EXT1: variants seen among roughly 807,000 people sequenced by gnomAD.
The protein encoded by EXT1 is exostosin-1.
Under a neutral mutation model 82.5 loss-of-function variants are expected in EXT1, and 20 were observed. The observed-to-expected ratio is 0.24, with a 90% CI of 0.17 to 0.35. The LOEUF (loss-of-function observed/expected upper bound fraction) is 0.35, where lower values mean the gene tolerates loss of function less well. Ranked by LOEUF, EXT1 falls within the 10% of genes least tolerant of loss-of-function variation. The pLI is 1.00. For missense variants in EXT1, 757 were observed against 936.5 expected (o/e 0.81, Z 2.50); for synonymous variants, 348 against 350.8 (o/e 0.99, Z 0.09).
intron 1 of EXT1, among the ~76,000 whole-genome samples, chr8:118,053,960 C>T (rs1586366166): frequency 2.0e-5 from 3 of 152,318 alleles, no homozygotes; most frequent in Non-Finnish European, 4.4e-5. Flanking sequence ...CACCAAGGCA[C>T]ATCTGGCAGT....
rs1021421489 is a variant in EXT1, at chr8:117,795,806, A to C, written c.*3906T>G. 1 of 151,274 alleles carries C rather than the reference A, an allele frequency of 6.6e-6. No individual in the cohort carries two copies. The highest frequency in any genetic ancestry group is 6.6e-5 in the Admixed American group (1 of 15,160). The allele number at this position is 151,274 out of a possible 1,614,324, so 9.4% of individuals were successfully genotyped here. ...ACAGGGCAAGACTCTGTCTCAAAGA[A>C]AAAAAAAAGACTTGGTGTCAAAGGA... On this transcript the variant is annotated 3_prime_UTR_variant, in exon 11 of 11. Coordinates refer to ENST00000378204, the MANE Select transcript of EXT1 (RefSeq NM_000127.3).
chr8:117,995,229 G>A (rs1815512559), intron 1 of EXT1, among the ~76,000 whole-genome samples: 1 of 152,118 alleles, frequency 6.6e-6, no homozygotes, highest in African/African-American at 2.4e-5. Flanking sequence ...ACCCACTCTA[G>A]CTCAGCAACC....
chr8:118,069,003 C>G (rs1170789397), intron 1 of EXT1, among the ~76,000 whole-genome samples: 1 of 152,108 alleles, frequency 6.6e-6, no homozygotes, highest in South Asian at 2.1e-4. Context: ...GAGGCCTTTC[C>G]CCTGGAGTAC....
Position 117,818,417 on chromosome 8 carries a change from G to A in EXT1, c.1632+18C>T, listed in dbSNP as rs1230655902. The A allele has an allele frequency of 6.2e-7, 1 of 1,610,144 alleles. No individual in the cohort carries two copies. Among genetic ancestry groups the A allele is most frequent in the Non-Finnish European group, 8.5e-7 (1 of 1,176,476 alleles). ...GGCTCCACAGTGGTTCCACATATAG[G>A]TCCCCTTCGAGTCTTACCTTGCTCT... On this transcript the variant is annotated intron_variant, in intron 7 of 10. Coordinates refer to ENST00000378204, the MANE Select transcript of EXT1 (RefSeq NM_000127.3).
At chr8:118,092,339 G>T (rs948179911) in intron 1 of EXT1, among the ~76,000 whole-genome samples, 1 of 152,168 alleles carries the variant, frequency 6.6e-6, no homozygotes, top group African/African-American at 2.4e-5. Flanking sequence ...GCTACAAAAA[G>T]TTAATCAAAT....
chr8:117,811,774 C>T (rs1823328592), intron 8 of EXT1, among the ~76,000 whole-genome samples: 2 of 152,126 alleles, frequency 1.3e-5, no homozygotes, highest in Admixed American at 1.3e-4. Context: ...CTGGACCACG[C>T]CTGGCTAATT....
intron 1 of EXT1, among the ~76,000 whole-genome samples, chr8:117,944,989 C>T (rs1255001442): frequency 2.6e-5 from 4 of 151,988 alleles, no homozygotes; most frequent in Admixed American, 6.6e-5. Context: ...GGTGAAACCC[C>T]GTCTCTACTA....
At chr8:118,051,943 C>T (rs1332960149) in intron 1 of EXT1, among the ~76,000 whole-genome samples, 1 of 152,202 alleles carries the variant, frequency 6.6e-6, no homozygotes, top group Non-Finnish European at 1.5e-5. Context: ...GGTTACCATA[C>T]TGCACACTTC....
intron 1 of EXT1, among the ~76,000 whole-genome samples, chr8:117,917,237 G>A (rs1384407078): frequency 6.6e-6 from 1 of 152,152 alleles, no homozygotes. Flanking sequence ...ACTCTGGGAG[G>A]CCGAGGCGGG....
In EXT1 at chr8:117,796,314, CT is replaced by C. The variant is rs1275610772; in HGVS notation, c.*3397del. 6.6e-6 allele frequency: 1 copy of C among 151,804 alleles called. No homozygotes were observed. The highest frequency in any genetic ancestry group is 1.5e-5 in the Non-Finnish European group (1 of 67,994). 9.4% of individuals were successfully genotyped at this position (151,804 alleles called of 1,614,324 possible). On this transcript the variant is annotated 3_prime_UTR_variant, in exon 11 of 11. Transcript: ENST00000378204. ...CCAACCTAGTAAGGCTGTCTTCCCC[CT>C]GATCCTGCCCTTTAAACAGGTTTGT... is the stretch of plus-strand genomic sequence containing the variant.
chr8:117,988,318 T>C (rs1487887321), intron 1 of EXT1, among the ~76,000 whole-genome samples: 1 of 152,192 alleles, frequency 6.6e-6, no homozygotes, highest in African/African-American at 2.4e-5. Context: ...TCAAATTTTC[T>C]AAATAAGAGA....
chr8:117,980,752 G>A (rs1235178542), intron 1 of EXT1, among the ~76,000 whole-genome samples: 2 of 136,088 alleles, frequency 1.5e-5, no homozygotes, highest in East Asian at 2.3e-4. Context: ...TTCTTCAGTG[G>A]AAACTTCGCT....
At chr8:118,030,580 C>T (rs1355449989) in intron 1 of EXT1, among the ~76,000 whole-genome samples, 1 of 152,138 alleles carries the variant, frequency 6.6e-6, no homozygotes, top group Non-Finnish European at 1.5e-5. Flanking sequence ...CTCCTGGGTT[C>T]AAGTGATTCT....
chr8:117,845,595 A>G (rs1195435917), intron 1 of EXT1, among the ~76,000 whole-genome samples: 13 of 152,058 alleles, frequency 8.5e-5, no homozygotes, highest in Non-Finnish European at 4.4e-5. Flanking sequence ...ATTAATAACA[A>G]CTTTTTAAAA....
intron 4 of EXT1, among the ~76,000 whole-genome samples, chr8:117,829,973 G>A (rs1364757411): frequency 1.3e-5 from 2 of 152,170 alleles, no homozygotes. Flanking sequence ...CTGAAATGAT[G>A]TAAGACAGAG....
At chr8:117,867,542 C>T (rs772440010) in intron 1 of EXT1, among the ~76,000 whole-genome samples, 4 of 152,140 alleles carry the variant, frequency 2.6e-5, no homozygotes, top group South Asian at 2.1e-4. Context: ...AAACACTCCA[C>T]CAAACAGCAA....
At chr8:118,083,890 G>T (rs979571094) in intron 1 of EXT1, among the ~76,000 whole-genome samples, 1 of 152,060 alleles carries the variant, frequency 6.6e-6, no homozygotes, top group African/African-American at 2.4e-5. Context: ...TTAGCCAGGT[G>T]TGGTGGTGGA....
intron 1 of EXT1, among the ~76,000 whole-genome samples, chr8:117,978,782 T>C (rs940860064): frequency 6.6e-6 from 1 of 152,238 alleles, no homozygotes; most frequent in Non-Finnish European, 1.5e-5. Flanking sequence ...CCCCGTTCAC[T>C]CTCAGAATAG....
In EXT1 at chr8:117,864,954, T is replaced by C. The variant is rs1399561677; in HGVS notation, c.963-27753A>G. 2.6e-5 allele frequency among the ~76,000 whole-genome samples: 4 copies of C among 151,864 alleles called. No homozygotes were observed. The East Asian group carries it at 5.8e-4, about 22-fold the overall frequency. ...TTTTTCAAAAAAGTAGAAGCTGTTTTTTTTTAAAAAAATAGAGTTCATAAC... is the reference window on the plus strand; with the variant it reads ...TTTTTCAAAAAAGTAGAAGCTGTTTCTTTTTAAAAAAATAGAGTTCATAAC... On this transcript the variant is annotated intron_variant, in intron 1 of 10. Transcript: ENST00000378204.
Sources: allele counts gnomAD v4.1 joint callset (sites outside exome capture counted in the v4.1 genomes callset), GRCh38; gene constraint gnomAD v4.1.1; transcripts MANE v1.5; gene names NCBI Gene and HGNC (gene_info 2026-07-23, HGNC 2026-07-21).